STX8: variants seen among roughly 807,000 people sequenced by gnomAD.
STX8 encodes the protein syntaxin 8.
Under a neutral mutation model 37.5 loss-of-function variants are expected in STX8, and 23 were observed. The ratio of observed to expected loss-of-function variants is 0.61; its 90% CI spans 0.44 to 0.87. The LOEUF (loss-of-function observed/expected upper bound fraction) is 0.87. Among genes scored for constraint, STX8 ranks in the 40% least tolerant of loss-of-function variants. STX8 has a pLI of 0.00. For missense variants in STX8, 313 were observed against 284.7 expected, an observed-to-expected ratio of 1.10 and a Z score of -0.71; for synonymous variants, 115 against 99.1, an observed-to-expected ratio of 1.16 and a Z score of -0.95.
chr17:9,573,567 T>C (rs547912557), intron 1 of STX8, among the ~76,000 whole-genome samples: 8 of 152,334 alleles, frequency 5.3e-5, no homozygotes, highest in Admixed American at 3.9e-4. Context: ...CCCAACCACC[T>C]TGGGCACAGG....
intron 5 of STX8, among the ~76,000 whole-genome samples, chr17:9,501,184 G>C (rs1176314600): frequency 6.6e-6 from 1 of 152,054 alleles, no homozygotes; most frequent in Non-Finnish European, 1.5e-5. Flanking sequence ...CAAATGCCCA[G>C]GAAGCTTTCT....
At chr17:9,563,275 T>C (rs1349185272) in intron 2 of STX8, among the ~76,000 whole-genome samples, 9 of 151,994 alleles carry the variant, frequency 5.9e-5, no homozygotes, top group Non-Finnish European at 5.9e-5. Context: ...CTCCGCCTCC[T>C]GAGTTCAAGT....
At chr17:9,552,879 C>T (rs2151914202) in intron 3 of STX8, 1 of 152,178 alleles carries the variant, frequency 6.6e-6, no homozygotes. Context: ...TGGTCTCGAT[C>T]TCCTGACCTC....
intron 6 of STX8, among the ~76,000 whole-genome samples, chr17:9,443,370 G>C (rs2142390122): frequency 6.6e-6 from 1 of 152,266 alleles, no homozygotes; most frequent in East Asian, 1.9e-4. Flanking sequence ...CTATATGTAA[G>C]GGAGAGCACA....
intron 7 of STX8, among the ~76,000 whole-genome samples, chr17:9,358,820 G>A (rs34141309): frequency 0.11 from 16,804 of 152,202 alleles, 970 homozygotes; most frequent in Middle Eastern, 0.18. Context: ...AAAGGAGAGA[G>A]TAGGGGGAAA....
chr17:9,340,649 A>ATTTTTTTTTTTTTTTTTTTTT (rs66679333), intron 7 of STX8, among the ~76,000 whole-genome samples: 1 of 62,100 alleles, frequency 1.6e-5, no homozygotes, highest in Non-Finnish European at 2.7e-5. Flanking sequence ...GTTGCACTTG[A>ATTTTTTTTTTTTTTTTTTTTT]TTTTTTTTTT....
chr17:9,272,358 C>G (rs569181018), intron 7 of STX8, among the ~76,000 whole-genome samples: 1 of 152,224 alleles, frequency 6.6e-6, no homozygotes, highest in African/African-American at 2.4e-5. Context: ...GATAACTACC[C>G]GGCAGGGAGT....
chr17:9,559,652 A>G lies in STX8; in HGVS notation c.118-2124T>C, dbSNP rs1468330909. ...AAGAAAAATACAAGGACTACAAGGA[A>G]AGATGAGATTATTATTATTTGCAGA... On this transcript the variant is annotated intron_variant, in intron 2 of 7. Transcript: ENST00000306357. 2.0e-5 allele frequency among the ~76,000 whole-genome samples: 3 copies of G among 148,876 alleles called. No individual in the cohort carries two copies. In the East Asian group the frequency reaches 5.8e-4, roughly 29 times the overall value.
intron 7 of STX8, among the ~76,000 whole-genome samples, chr17:9,344,799 AAAAGGTGAATAAC>A (rs904240832): frequency 6.6e-6 from 1 of 152,150 alleles, no homozygotes; most frequent in Non-Finnish European, 1.5e-5. Context: ...AAGCGACTCT[AAAAGGTGAATAAC>A]AAACTCATTG....
intron 7 of STX8, among the ~76,000 whole-genome samples, chr17:9,300,830 CTTTTTTTTTTT>C (rs1164799565): frequency 3.3e-5 from 3 of 90,898 alleles, no homozygotes; most frequent in South Asian, 8.4e-4. Context: ...TTATTTTGTT[CTTTTTTTTTTT>C]TTTTTTTTTT....
intron 7 of STX8, among the ~76,000 whole-genome samples, chr17:9,333,720 G>A (rs1910042930): frequency 6.6e-6 from 1 of 152,080 alleles, no homozygotes; most frequent in Non-Finnish European, 1.5e-5. Flanking sequence ...CTTGCTTCAA[G>A]CAGGAGGTCA....
At chr17:9,352,069 T>A (rs535160212) in intron 7 of STX8, among the ~76,000 whole-genome samples, 41 of 151,392 alleles carry the variant, frequency 2.7e-4, no homozygotes, top group Non-Finnish European at 5.9e-4. Context: ...GAGGATTGTT[T>A]GAGCCTGGAA....
intron 7 of STX8, among the ~76,000 whole-genome samples, chr17:9,333,297 A>C (rs1910021129): frequency 6.6e-6 from 1 of 152,066 alleles, no homozygotes; most frequent in Non-Finnish European, 1.5e-5. Context: ...TCCCATCTTT[A>C]TGTCCATGTG....
chr17:9,302,033 A>C (rs7208902), intron 7 of STX8, among the ~76,000 whole-genome samples: 36,958 of 152,068 alleles, frequency 0.24, 6,147 homozygotes, highest in African/African-American at 0.47. Flanking sequence ...AGTTTGAAAT[A>C]GTTTGCCCAT....
intron 6 of STX8, among the ~76,000 whole-genome samples, chr17:9,454,877 TAC>T (rs1905144653): frequency 6.6e-6 from 1 of 151,970 alleles, no homozygotes; most frequent in African/African-American, 2.4e-5. Flanking sequence ...AAAATTATCT[TAC>T]ACTCAGGAAT....
Position 9,518,048 on chromosome 17 carries a change from ATCC to A in STX8, c.324-12889_324-12887del, listed in dbSNP as rs376847719. ...GACCCTCCATTTGTTCTAATAACTT[ATCC>A]TCCTATTATCCCAGGATCTCATAAT... On this transcript the variant is annotated intron_variant, in intron 4 of 7. Coordinates refer to ENST00000306357, the MANE Select transcript of STX8 (RefSeq NM_004853.3). 2.5e-3 allele frequency among the ~76,000 whole-genome samples: 373 copies of A among 152,242 alleles called. 2 individuals carry two copies. Among genetic ancestry groups the A allele is most frequent in the African/African-American group, 8.0e-3 (332 of 41,538 alleles).
At chr17:9,326,254 C>T (rs1423254884) in intron 7 of STX8, among the ~76,000 whole-genome samples, 1 of 152,072 alleles carries the variant, frequency 6.6e-6, no homozygotes, top group Non-Finnish European at 1.5e-5. Context: ...CCTCAGCCTG[C>T]CGAGTAGCTA....
At chr17:9,325,992 C>G (rs147425443) in intron 7 of STX8, among the ~76,000 whole-genome samples, 1 of 152,162 alleles carries the variant, frequency 6.6e-6, no homozygotes, top group Non-Finnish European at 1.5e-5. Context: ...TGGTGTCCAG[C>G]GCTAGCCATG....
At chr17:9,363,060 G>A (rs1020764358) in intron 7 of STX8, among the ~76,000 whole-genome samples, 6 of 152,142 alleles carry the variant, frequency 3.9e-5, no homozygotes, top group African/African-American at 1.2e-4. Flanking sequence ...GCTCATAACT[G>A]ATTTAGTGTG....
Sources: allele counts gnomAD v4.1 joint callset (sites outside exome capture counted in the v4.1 genomes callset), GRCh38; gene constraint gnomAD v4.1.1; transcripts MANE v1.5; gene names NCBI Gene and HGNC (gene_info 2026-07-23, HGNC 2026-07-21).